The following ZFPM2 variants were observed in gnomAD, a reference collection of about 807,000 sequenced individuals.
ZFPM2 encodes the protein zinc finger protein, FOG family member 2.
Under a neutral mutation model 98.6 loss-of-function variants are expected in ZFPM2, and 20 were observed. The ratio of observed to expected loss-of-function variants is 0.20; its 90% CI spans 0.14 to 0.29. The LOEUF is 0.29. Among genes scored for constraint, ZFPM2 ranks in the 10% least tolerant of loss-of-function variants. The pLI is 1.00. For synonymous variants in ZFPM2, 518 were observed against 502.7 expected (o/e 1.03, Z -0.41); for missense variants, 1,310 against 1,388.6 (o/e 0.94, Z 0.90).
intron 3 of ZFPM2, among the ~76,000 whole-genome samples, chr8:105,463,544 C>T (rs1033836631): frequency 7.2e-5 from 11 of 151,920 alleles, no homozygotes; most frequent in African/African-American, 2.7e-4. Flanking sequence ...AAGAGAAGCT[C>T]TGATTAACTC....
intron 3 of ZFPM2, among the ~76,000 whole-genome samples, chr8:105,472,799 C>T (rs993766054): frequency 8.6e-5 from 13 of 151,462 alleles, no homozygotes; most frequent in South Asian, 2.1e-4. Context: ...TGAGCCACCG[C>T]GCCTGGCCTC....
intron 5 of ZFPM2, among the ~76,000 whole-genome samples, chr8:105,641,826 A>G (rs9656866): frequency 0.2 from 31,030 of 151,968 alleles, 3,163 homozygotes; most frequent in South Asian, 0.25. Flanking sequence ...GCCCTGCACA[A>G]TAATCCCACT....
At chr8:105,670,629 G>C (rs539521483) in intron 5 of ZFPM2, among the ~76,000 whole-genome samples, 3 of 151,040 alleles carry the variant, frequency 2.0e-5, no homozygotes, top group African/African-American at 7.3e-5. Context: ...CCTCTACCCT[G>C]TACATTTTAT....
intron 5 of ZFPM2, among the ~76,000 whole-genome samples, chr8:105,662,121 C>T (rs1025419584): frequency 1.3e-5 from 2 of 151,954 alleles, no homozygotes; most frequent in Admixed American, 6.6e-5. Context: ...AAACAACACG[C>T]GTGATGGAGG....
intron 2 of ZFPM2, among the ~76,000 whole-genome samples, chr8:105,443,139 T>C (rs1183195416): frequency 6.6e-6 from 1 of 151,842 alleles, no homozygotes; most frequent in Non-Finnish European, 1.5e-5. Flanking sequence ...TGAAACCCCA[T>C]CTCTACTAAA....
chr8:105,759,928 C>T (rs1586244360), intron 5 of ZFPM2, among the ~76,000 whole-genome samples: 1 of 151,978 alleles, frequency 6.6e-6, no homozygotes, highest in Non-Finnish European at 1.5e-5. Context: ...AAAGGCTATG[C>T]TAGTGAACGA....
chr8:105,621,467 T>G (rs963876390), intron 4 of ZFPM2, among the ~76,000 whole-genome samples: 1 of 152,188 alleles, frequency 6.6e-6, no homozygotes, highest in African/African-American at 2.4e-5. Flanking sequence ...TCATGTCATC[T>G]GCAAACAGGG....
chr8:105,582,223 G>C (rs1478992497), intron 4 of ZFPM2, among the ~76,000 whole-genome samples: 4 of 152,180 alleles, frequency 2.6e-5, no homozygotes, highest in Non-Finnish European at 5.9e-5. Context: ...ACCCTGAAGG[G>C]AACACATATT....
chr8:105,444,458 A>C, intron 3 of ZFPM2, 77 bp downstream of exon 3: 1 of 1,062,614 alleles, frequency 9.4e-7, no homozygotes, highest in Non-Finnish European at 1.4e-6. Context: ...CTTGAACATC[A>C]GTTAGCTTGC....
intron 5 of ZFPM2, among the ~76,000 whole-genome samples, chr8:105,769,400 G>C (rs971242969): frequency 6.6e-6 from 1 of 151,828 alleles, no homozygotes; most frequent in African/African-American, 2.4e-5. Flanking sequence ...GACATTTCTG[G>C]GCCATGGCCA....
chr8:105,571,866 C>T (rs1815361482), intron 4 of ZFPM2, among the ~76,000 whole-genome samples: 1 of 151,948 alleles, frequency 6.6e-6, no homozygotes, highest in Admixed American at 6.6e-5. Flanking sequence ...ATGGGATTCA[C>T]CAAGTTTCAT....
intron 5 of ZFPM2, among the ~76,000 whole-genome samples, chr8:105,748,943 G>T (rs1173051958): frequency 6.6e-6 from 1 of 151,988 alleles, no homozygotes; most frequent in Non-Finnish European, 1.5e-5. Flanking sequence ...TAAATCACTT[G>T]GGAAATTGAA....
chr8:105,555,905 G>A (rs1295620798), intron 3 of ZFPM2, among the ~76,000 whole-genome samples: 4 of 152,162 alleles, frequency 2.6e-5, no homozygotes, highest in Non-Finnish European at 5.9e-5. Flanking sequence ...AACTGGAGAT[G>A]AGGAGGAATG....
At chr8:105,338,771 G>A in intron 1 of ZFPM2, among the ~76,000 whole-genome samples, 1 of 151,832 alleles carries the variant, frequency 6.6e-6, no homozygotes, top group Non-Finnish European at 1.5e-5. Flanking sequence ...GAATTTGCAT[G>A]TGTCTTACCT....
intron 5 of ZFPM2, 146 bp from the exon 6 acceptor site, chr8:105,788,572 A>G: frequency 1.4e-6 from 1 of 740,610 alleles, no homozygotes; most frequent in Non-Finnish European, 2.2e-6. Context: ...AAGCAAGAGG[A>G]ACACAGCTGT....
At chr8:105,773,887 T>C (rs1325009273) in intron 5 of ZFPM2, among the ~76,000 whole-genome samples, 1 of 152,096 alleles carries the variant, frequency 6.6e-6, no homozygotes, top group Non-Finnish European at 1.5e-5. Flanking sequence ...CACTCACTCA[T>C]ACTCCATATC....
intron 5 of ZFPM2, chr8:105,679,131 A>G: frequency 6.6e-6 from 1 of 152,214 alleles, no homozygotes; most frequent in East Asian, 1.9e-4. Context: ...TATACTTTCT[A>G]TGTGCCGCCT....
At chr8:105,594,140 C>T (rs549229721) in intron 4 of ZFPM2, among the ~76,000 whole-genome samples, 1 of 152,214 alleles carries the variant, frequency 6.6e-6, no homozygotes, top group African/African-American at 2.4e-5. Context: ...CATCTTTAAA[C>T]CTAAATGCCT....
intron 5 of ZFPM2, among the ~76,000 whole-genome samples, chr8:105,721,013 C>A (rs1259439838): frequency 6.6e-6 from 1 of 151,934 alleles, no homozygotes; most frequent in East Asian, 2.0e-4. Flanking sequence ...ATTGTAAAAA[C>A]CTAGAAAATC....
Sources: gnomAD v4.1 joint callset for allele counts (sites outside exome capture counted in the v4.1 genomes callset) on GRCh38, gnomAD v4.1.1 for gene constraint, MANE v1.5 for transcripts, NCBI Gene and HGNC (gene_info 2026-07-23, HGNC 2026-07-21) for gene names.